The following GCH1 variants were observed in gnomAD, a reference collection of about 807,000 sequenced individuals.
GCH1 encodes GTP cyclohydrolase I.
GCH1 carries 5 observed loss-of-function variants against 25.9 expected under a neutral mutation model. That is an observed-to-expected ratio of 0.19 (90% CI 0.10 to 0.41). GCH1 has a LOEUF of 0.41. GCH1 is among the 10% of genes least tolerant of loss of function. The pLI is 1.00. For missense variants in GCH1, 261 were observed against 336.5 expected, an observed-to-expected ratio of 0.78 and a Z score of 1.75; for synonymous variants, 159 against 129.6, an observed-to-expected ratio of 1.23 and a Z score of -1.54.
intron 1 of GCH1, among the ~76,000 whole-genome samples, chr14:54,879,420 C>CAAAAA (rs34163543): frequency 1.7e-5 from 1 of 59,888 alleles, no homozygotes; most frequent in Non-Finnish European, 3.5e-5. Flanking sequence ...GTCCCTGTCT[C>CAAAAA]AAAAAAAAAA....
At chr14:54,854,803 T>A (rs2039784100) in intron 3 of GCH1, among the ~76,000 whole-genome samples, 1 of 152,228 alleles carries the variant, frequency 6.6e-6, no homozygotes, top group Non-Finnish European at 1.5e-5. Context: ...TTTTTACTTA[T>A]CAGTTTGGCA....
chr14:54,888,585 T>C (rs2040383287), intron 1 of GCH1, among the ~76,000 whole-genome samples: 1 of 151,488 alleles, frequency 6.6e-6, no homozygotes, highest in Admixed American at 6.6e-5. Context: ...TGATCTCCGC[T>C]CACTGCAAGC....
chr14:54,848,439 T>C (rs1231109619), intron 3 of GCH1, among the ~76,000 whole-genome samples: 2 of 152,146 alleles, frequency 1.3e-5, no homozygotes, highest in African/African-American at 4.8e-5. Context: ...CCAGCCAGAA[T>C]TTTCCCCTTT....
Position 54,868,201 on chromosome 14 carries a change from C to A in GCH1, c.344-2765G>T, listed in dbSNP as rs534083660. Reference sequence around the variant, plus strand: ...GGGCAAGGTGGGAGGATCACTTGAGCCCAGCATTCTGAGACCAGCCTAGGT... The same window carrying A: ...GGGCAAGGTGGGAGGATCACTTGAGACCAGCATTCTGAGACCAGCCTAGGT... On this transcript the variant is annotated intron_variant, in intron 1 of 5. Transcript: ENST00000491895. Among the ~76,000 whole-genome samples the A allele has an allele frequency of 7.9e-5, 12 of 152,168 alleles. No homozygotes were observed. The South Asian group carries it at 2.5e-3, about 32-fold the overall frequency.
intron 2 of GCH1, among the ~76,000 whole-genome samples, chr14:54,861,721 CAA>C (rs67311353): frequency 0.25 from 33,709 of 133,348 alleles, 3,951 homozygotes; most frequent in East Asian, 0.39. Context: ...GAAACTGTCT[CAA>C]AAAAAAAAAA....
chr14:54,873,473 A>G (rs1468570345), intron 1 of GCH1, among the ~76,000 whole-genome samples: 2 of 152,210 alleles, frequency 1.3e-5, no homozygotes, highest in Non-Finnish European at 2.9e-5. Context: ...AAGCTAGCAG[A>G]AGGCAAGAAA....
intron 1 of GCH1, among the ~76,000 whole-genome samples, chr14:54,871,994 G>A (rs1215809978): frequency 6.6e-6 from 1 of 151,950 alleles, no homozygotes; most frequent in Non-Finnish European, 1.5e-5. Context: ...GAAATACAGA[G>A]AATGCCACAA....
chr14:54,846,821 G>T (rs2039649384), intron 4 of GCH1, among the ~76,000 whole-genome samples: 1 of 152,132 alleles, frequency 6.6e-6, no homozygotes, highest in African/African-American at 2.4e-5. Context: ...AGCACTTTGG[G>T]AGGCCAAGGT....
chr14:54,887,070 T>A (rs28417208), intron 1 of GCH1, among the ~76,000 whole-genome samples: 61,648 of 152,098 alleles, frequency 0.41, 13,450 homozygotes, highest in African/African-American at 0.56. Context: ...TTTGGCTTAT[T>A]TGAGGGAAAA....
chr14:54,877,272 C>A lies in GCH1; in HGVS notation c.344-11836G>T, dbSNP rs114524228. Among the ~76,000 whole-genome samples the A allele has an allele frequency of 7.8e-3, 1,189 of 152,300 alleles. 15 individuals carry two copies. The highest frequency in any genetic ancestry group is 0.027 in the African/African-American group (1,139 of 41,558). On this transcript the variant is annotated intron_variant, in intron 1 of 5. Transcript: ENST00000491895. ...GGGATTTATGGCATTCTGTTTCCTA[C>A]GGTTGGTCACAACCACAAACAAAAT...
At chr14:54,896,725 A>T (rs1171807450) in intron 1 of GCH1, among the ~76,000 whole-genome samples, 1 of 151,694 alleles carries the variant, frequency 6.6e-6, no homozygotes, top group Non-Finnish European at 1.5e-5. Flanking sequence ...ATCCTGGCTA[A>T]CACGGTGAAA....
intron 3 of GCH1, among the ~76,000 whole-genome samples, chr14:54,855,718 G>A (rs2039800858): frequency 6.6e-6 from 1 of 151,764 alleles, no homozygotes; most frequent in African/African-American, 2.4e-5. Context: ...GGAGGCTGAG[G>A]CAGGAGAATC....
chr14:54,902,699 C>G lies in GCH1; in HGVS notation c.-36G>C, dbSNP rs1779029918. On this transcript the variant is annotated 5_prime_UTR_variant, in exon 1 of 6. Coordinates refer to ENST00000491895, the MANE Select transcript of GCH1 (RefSeq NM_000161.3). ...CAGCCGCTGCCGTTCGGGAAGGACC[C>G]CGGGGCGCTTCGAGGTCTGCGGCTA... The G allele has an allele frequency of 7.0e-7, 1 of 1,418,752 alleles. No homozygotes were observed. Among genetic ancestry groups the G allele is most frequent in the Non-Finnish European group, 9.2e-7 (1 of 1,092,402 alleles). The allele number at this position is 1,418,752 out of a possible 1,614,324, so 87.9% of individuals were successfully genotyped here. A position where few individuals can be genotyped will look rare whatever the true frequency, so the allele number is the denominator to read the frequency against.
intron 1 of GCH1, among the ~76,000 whole-genome samples, chr14:54,888,617 A>G (rs2040383840): frequency 6.6e-6 from 1 of 150,556 alleles, no homozygotes; most frequent in Admixed American, 6.6e-5. Flanking sequence ...GGTTCACACC[A>G]TTCACCTGCC....
chr14:54,879,984 C>CAAA (rs35476604), intron 1 of GCH1, among the ~76,000 whole-genome samples: 7 of 49,600 alleles, frequency 1.4e-4, no homozygotes, highest in Non-Finnish European at 2.3e-4. Context: ...GGCTCTGTCT[C>CAAA]AAAAAAAAAA....
intron 3 of GCH1, among the ~76,000 whole-genome samples, chr14:54,847,849 A>C (rs1161176361): frequency 6.6e-6 from 1 of 152,122 alleles, no homozygotes; most frequent in African/African-American, 2.4e-5. Context: ...AAAGTTCCAA[A>C]TCATCAATTT....
chr14:54,873,819 C>T (rs2040116908), intron 1 of GCH1, among the ~76,000 whole-genome samples: 1 of 152,280 alleles, frequency 6.6e-6, no homozygotes, highest in Non-Finnish European at 1.5e-5. Flanking sequence ...TCTGAATAGA[C>T]CAATAACAGG....
chr14:54,847,137 A>G lies in GCH1; in HGVS notation c.510-7T>C. Reference sequence around the variant, plus strand: ...ACTATAGATTTCTACAATCCTAGAAAAGAAAGAATTGTTTTAGTTAATCAC... The same window carrying G: ...ACTATAGATTTCTACAATCCTAGAAGAGAAAGAATTGTTTTAGTTAATCAC... On this transcript the variant is annotated splice_region_variant and splice_polypyrimidine_tract_variant and intron_variant, in intron 3 of 5. Transcript: ENST00000491895. 2.0e-6 allele frequency: 2 copies of G among 977,976 alleles called. No homozygotes were observed. Among genetic ancestry groups the G allele is most frequent in the East Asian group, 2.5e-5 (1 of 39,792 alleles). The allele number at this position is 977,976 out of a possible 1,614,324, so 60.6% of individuals were successfully genotyped here.
chr14:54,857,653 G>A (rs890304123), intron 3 of GCH1, among the ~76,000 whole-genome samples: 3 of 152,212 alleles, frequency 2.0e-5, no homozygotes, highest in African/African-American at 7.2e-5. Context: ...TACTTAGACT[G>A]TATATTATAA....
Sources: allele counts gnomAD v4.1 joint callset (sites outside exome capture counted in the v4.1 genomes callset), GRCh38; gene constraint gnomAD v4.1.1; transcripts MANE v1.5; gene names NCBI Gene and HGNC (gene_info 2026-07-23, HGNC 2026-07-21).